The following DUSP3 variants were observed in gnomAD, a reference collection of about 807,000 sequenced individuals.
DUSP3 encodes dual specificity phosphatase 3, also known as dual specificity protein phosphatase 3.
DUSP3 carries 7 observed loss-of-function variants against 15.5 expected under a neutral mutation model. That is an observed-to-expected ratio of 0.45 (90% CI 0.26 to 0.85). The LOEUF (loss-of-function observed/expected upper bound fraction) is 0.85, where lower values mean the gene tolerates loss of function less well. Ranked by LOEUF, DUSP3 falls within the 40% of genes least tolerant of loss-of-function variation. The pLI is 0.18. For synonymous variants in DUSP3, 86 were observed against 104.2 expected (o/e 0.83, Z 1.07); for missense variants, 209 against 251.7 (o/e 0.83, Z 1.15).
chr17:43,774,329 C>T (rs1002394616), intron 2 of DUSP3, among the ~76,000 whole-genome samples: 1 of 152,134 alleles, frequency 6.6e-6, no homozygotes, highest in African/African-American at 2.4e-5. Context: ...CTGAATCAAG[C>T]AGCCCCTTAA....
In DUSP3 at chr17:43,778,877, G is replaced by C. The variant is rs746967514; in HGVS notation, c.48C>G (p.Leu16=). The C allele has an allele frequency of 1.1e-5, 16 of 1,517,974 alleles. No individual in the cohort carries two copies. In the South Asian group the frequency reaches 1.9e-4, roughly 18 times the overall value. 94.0% of individuals were successfully genotyped at this position (1,517,974 alleles called of 1,614,324 possible). A position where few individuals can be genotyped will look rare whatever the true frequency, so the allele number is the denominator to read the frequency against. The change falls in exon 1 of 3, where the codon CTC becomes CTG. Residue 16 remains leucine (L), a synonymous_variant. Transcript: ENST00000226004. ...GGCTGTAGCAGCCGCTGCCGTCCGA[G>C]AGCAGGTCGTTGAGATCCTGCACCG... is the stretch of plus-strand genomic sequence containing the variant. The part of the protein sequence containing the change: ...ELSVQDLNDL[L]SDGSGCYSLP...
At chr17:43,770,923 TA>T (rs1974309353) in intron 2 of DUSP3, among the ~76,000 whole-genome samples, 2 of 151,690 alleles carry the variant, frequency 1.3e-5, no homozygotes, top group Non-Finnish European at 2.9e-5. Context: ...CATGCCCAGC[TA>T]ATTTTTTTGT....
At position 43,769,363 on chromosome 17, in the gene DUSP3, G is replaced by A. The variant is rs1291456205; in HGVS notation, c.*246C>T. On this transcript the variant is annotated 3_prime_UTR_variant, in exon 3 of 3. Transcript: ENST00000226004. Reference sequence around the variant, plus strand: ...CTTCCCCCTCTGAGCCCCCATCTCAGGGAAAAGACATCATAAGTTACAGAA... The same window carrying A: ...CTTCCCCCTCTGAGCCCCCATCTCAAGGAAAAGACATCATAAGTTACAGAA... 1 of 496,450 alleles carries A rather than the reference G, an allele frequency of 2.0e-6. No homozygotes were observed. The highest frequency in any genetic ancestry group is 2.0e-5 in the African/African-American group (1 of 51,042). The allele number at this position is 496,450 out of a possible 1,614,324, so 30.8% of individuals were successfully genotyped here.
chr17:43,778,750 C>T, intron 1 of DUSP3, 50 bp downstream of exon 1: 1 of 1,460,710 alleles, frequency 6.8e-7, no homozygotes, highest in Non-Finnish European at 9.1e-7. Context: ...CTCGGGTGGG[C>T]GGGGCGTCCC....
intron 2 of DUSP3, among the ~76,000 whole-genome samples, chr17:43,774,350 C>T (rs1182181927): frequency 6.6e-6 from 1 of 152,094 alleles, no homozygotes; most frequent in Non-Finnish European, 1.5e-5. Flanking sequence ...TCAACCAGCC[C>T]CCATGCTCCT....
Position 43,767,348 on chromosome 17 carries a change from G to C in DUSP3, c.*2261C>G, listed in dbSNP as rs1974253603. 6.5e-6 allele frequency: 1 copy of C among 152,684 alleles called. No individual in the cohort carries two copies. Among genetic ancestry groups the C allele is most frequent in the Non-Finnish European group, 1.5e-5 (1 of 68,116 alleles). 9.5% of individuals were successfully genotyped at this position (152,684 alleles called of 1,614,324 possible). On this transcript the variant is annotated 3_prime_UTR_variant, in exon 3 of 3. Transcript: ENST00000226004. ...GGGTGCTACATCCCACCTGGAGAAAGAGCTGCACATTCTAGCCTATGAGGG... is the reference window on the plus strand; with the variant it reads ...GGGTGCTACATCCCACCTGGAGAAACAGCTGCACATTCTAGCCTATGAGGG...
chr17:43,774,692 C>T lies in DUSP3; in HGVS notation c.352+20G>A. ...CAGTCAGAGCTGCCTCCCATCTTTTCCTGGTGGGAGGTCCCTTACCATTCT... is the reference window on the plus strand; with the variant it reads ...CAGTCAGAGCTGCCTCCCATCTTTTTCTGGTGGGAGGTCCCTTACCATTCT... On this transcript the variant is annotated intron_variant, in intron 2 of 2. Coordinates refer to ENST00000226004, the MANE Select transcript of DUSP3 (RefSeq NM_004090.4). 1 of 1,613,094 alleles carries T rather than the reference C, an allele frequency of 6.2e-7. No individual in the cohort carries two copies. The highest frequency in any genetic ancestry group is 1.1e-5 in the South Asian group (1 of 91,058).
intron 1 of DUSP3, chr17:43,777,657 C>T (rs1258365784): frequency 2.4e-6 from 1 of 418,114 alleles, no homozygotes; most frequent in Non-Finnish European, 4.8e-6. Context: ...AGCCATGAAG[C>T]TTAGGATTTT....
At chr17:43,771,783 C>T (rs879571771) in intron 2 of DUSP3, among the ~76,000 whole-genome samples, 7 of 152,094 alleles carry the variant, frequency 4.6e-5, no homozygotes, top group Admixed American at 3.9e-4. Flanking sequence ...TCGAGGTGGG[C>T]GGATCCCCTG....
chr17:43,777,219 C>T (rs60908520), intron 1 of DUSP3, among the ~76,000 whole-genome samples: 28,670 of 152,078 alleles, frequency 0.19, 2,845 homozygotes, highest in Non-Finnish European at 0.21. Context: ...GTGACCCACC[C>T]GCCTCGGCCT....
chr17:43,769,792 C>T lies in DUSP3; in HGVS notation c.375G>A (p.Arg125=), dbSNP rs1598300024. 1 of 1,614,058 alleles carries T rather than the reference C, an allele frequency of 6.2e-7. No individual in the cohort carries two copies. The highest frequency in any genetic ancestry group is 1.7e-5 in the Admixed American group (1 of 59,988). The stretch of plus-strand genomic sequence containing the variant: ...GCGTTGGGGAGCGGCTATAACCTTC[C>T]CGGCAGTGGACGAGCACCCGGCCTG... ...QKNGRVLVHC[R]EGYSRSPTLV... is the part of the protein sequence containing the mutation. Residue 125 remains arginine, a synonymous_variant, in exon 3 of 3, where the codon CGG becomes CGA. Coordinates refer to ENST00000226004, the MANE Select transcript of DUSP3 (RefSeq NM_004090.4).
chr17:43,776,623 G>T (rs528633432), intron 1 of DUSP3, among the ~76,000 whole-genome samples: 29 of 152,366 alleles, frequency 1.9e-4, no homozygotes, highest in Admixed American at 1.4e-3. Context: ...CACACCCCTG[G>T]CCAAGTCAAG....
At chr17:43,775,746 T>C (rs1019343916) in intron 1 of DUSP3, among the ~76,000 whole-genome samples, 1 of 152,192 alleles carries the variant, frequency 6.6e-6, no homozygotes, top group African/African-American at 2.4e-5. Context: ...ACTGGCTACG[T>C]TTCCAAAGCT....
At chr17:43,771,726 T>C (rs550201399) in intron 2 of DUSP3, among the ~76,000 whole-genome samples, 2 of 151,508 alleles carry the variant, frequency 1.3e-5, no homozygotes, top group Middle Eastern at 3.4e-3. Context: ...GAGCAAGAAA[T>C]GGCCGGACAC....
rs772193254 is a variant in DUSP3 at position 43,766,402 on chromosome 17, C to G, written c.*3207G>C. On this transcript the variant is annotated 3_prime_UTR_variant, in exon 3 of 3. Transcript: ENST00000226004. ...ACCTTGACTTACTTGCAAGGACTAT[C>G]ACGGTTAGCCCTTCAGTGATTCCTG... The G allele has an allele frequency of 6.6e-6, 1 of 152,172 alleles. No individual in the cohort carries two copies. The highest frequency in any genetic ancestry group is 2.4e-5 in the African/African-American group (1 of 41,440). 9.4% of individuals were successfully genotyped at this position (152,172 alleles called of 1,614,324 possible).
At chr17:43,777,733 C>A in intron 1 of DUSP3, 1 of 289,210 alleles carries the variant, frequency 3.5e-6, no homozygotes, top group Admixed American at 4.4e-5. Context: ...TACAGGCATG[C>A]TAATATATTC....
At chr17:43,777,452 C>A (rs1974403353) in intron 1 of DUSP3, 4 of 454,322 alleles carry the variant, frequency 8.8e-6, no homozygotes, top group South Asian at 4.7e-5. Flanking sequence ...CCTTCTAGTT[C>A]CATGATGACC....
At chr17:43,775,926 C>T (rs1056915159) in intron 1 of DUSP3, among the ~76,000 whole-genome samples, 13 of 152,106 alleles carry the variant, frequency 8.5e-5, no homozygotes, top group African/African-American at 3.1e-4. Flanking sequence ...GCCTGGCCAA[C>T]ATGGTGAAAC....
chr17:43,769,707 C>T lies in DUSP3; in HGVS notation c.460G>A (p.Val154Met), dbSNP rs749795564. ...GGGCCGATCTCACGGTTCTGCCTCA[C>T]GATGCTCAGGGCAGACTTGACGTCC... Reference protein sequence around the residue: ...KMDVKSALSIVRQNREIGPND... With the variant: ...KMDVKSALSIMRQNREIGPND... The change falls in exon 3 of 3, where the codon GTG (valine) becomes ATG (methionine). Residue 154 changes from valine to methionine, a missense_variant. Physicochemically the swap from Val to Met is conservative, Grantham distance 21. Transcript: ENST00000226004. 10 of 1,613,880 alleles carry T rather than the reference C, an allele frequency of 6.2e-6. No individual in the cohort carries two copies. The highest frequency in any genetic ancestry group is 2.2e-5 in the East Asian group (1 of 44,870).
Sources: gnomAD v4.1 joint callset for allele counts (sites outside exome capture counted in the v4.1 genomes callset) on GRCh38, gnomAD v4.1.1 for gene constraint, MANE v1.5 for transcripts, NCBI Gene and HGNC (gene_info 2026-07-23, HGNC 2026-07-21) for gene names.